LARGE1: variants seen among roughly 807,000 people sequenced by gnomAD.
The protein encoded by LARGE1 is xylosyl- and glucuronyltransferase LARGE1.
LARGE1 carries 43 observed loss-of-function variants against 87.6 expected under a neutral mutation model. The ratio of observed to expected loss-of-function variants is 0.49; its 90% CI spans 0.38 to 0.63. LARGE1 has a LOEUF of 0.63. Ranked by LOEUF, LARGE1 falls within the 30% of genes least tolerant of loss-of-function variation. The pLI, the probability that LARGE1 is intolerant of heterozygous loss-of-function variation, is 0.00. For synonymous variants in LARGE1, 434 were observed against 394.6 expected (o/e 1.10, Z -1.18); for missense variants, 802 against 1,000.2 (o/e 0.80, Z 2.67).
At chr22:33,850,914 A>T (rs1402590192) in intron 1 of LARGE1, among the ~76,000 whole-genome samples, 2 of 152,140 alleles carry the variant, frequency 1.3e-5, no homozygotes, top group East Asian at 3.9e-4. Flanking sequence ...CTTAAAAAAA[A>T]AGACACCACC....
chr22:33,568,564 C>T (rs935070833), intron 5 of LARGE1, among the ~76,000 whole-genome samples: 6 of 151,982 alleles, frequency 3.9e-5, no homozygotes, highest in Admixed American at 1.3e-4. Context: ...GTTGGGAGTT[C>T]GAGACCAGCC....
intron 2 of LARGE1, among the ~76,000 whole-genome samples, chr22:33,743,453 C>T (rs1378748560): frequency 6.6e-6 from 1 of 152,114 alleles, no homozygotes; most frequent in Non-Finnish European, 1.5e-5. Flanking sequence ...CTTTCTCTCT[C>T]CTTCACAACC....
intron 6 of LARGE1, among the ~76,000 whole-genome samples, chr22:33,558,477 T>G (rs541382670): frequency 2.0e-5 from 3 of 152,252 alleles, no homozygotes; most frequent in Non-Finnish European, 4.4e-5. Context: ...CCTCCTCAAA[T>G]TTCACACAAC....
chr22:33,730,518 A>G (rs989467684), intron 2 of LARGE1, among the ~76,000 whole-genome samples: 12 of 152,162 alleles, frequency 7.9e-5, no homozygotes, highest in Admixed American at 4.6e-4. Context: ...AGCTTACACG[A>G]ATTTTTGACT....
intron 5 of LARGE1, among the ~76,000 whole-genome samples, chr22:33,593,753 G>A (rs1053415097): frequency 2.0e-5 from 3 of 152,162 alleles, no homozygotes. Flanking sequence ...AGGTTGAAAC[G>A]ATACTATTTT....
intron 1 of LARGE1, among the ~76,000 whole-genome samples, chr22:33,885,695 C>A (rs2064824238): frequency 6.6e-6 from 1 of 152,148 alleles, no homozygotes. Context: ...CCTACAACTT[C>A]CTGTTCACCT....
the LARGE1 span, among the ~76,000 whole-genome samples, chr22:33,154,767 T>C: frequency 6.6e-6 from 1 of 152,166 alleles, no homozygotes; most frequent in African/African-American, 2.4e-5. Context: ...GACATATATG[T>C]AAGATACAGA....
the LARGE1 span, among the ~76,000 whole-genome samples, chr22:33,097,383 CT>C: frequency 5.3e-3 from 800 of 152,328 alleles, 1 homozygote; most frequent in Non-Finnish European, 1.0e-2. Flanking sequence ...CTCTGGAGTC[CT>C]CTTCACCAGA....
At chr22:33,886,860 A>C (rs1353922622) in intron 1 of LARGE1, among the ~76,000 whole-genome samples, 1 of 151,990 alleles carries the variant, frequency 6.6e-6, no homozygotes, top group Non-Finnish European at 1.5e-5. Context: ...ACAAAAAGAC[A>C]CCCCTGGCTC....
At position 33,387,068 on chromosome 22, in the gene LARGE1, T is replaced by C. The variant is rs146840798; in HGVS notation, c.893-2764A>G. On this transcript the variant is annotated intron_variant, in intron 7 of 14. Coordinates refer to ENST00000397394, the MANE Select transcript of LARGE1 (RefSeq NM_133642.5). ...GCAGTGAGCCGAGATTGTGCCACTG[T>C]ACTCCAGCCTAGGTAACTGAGCAAG... Among the ~76,000 whole-genome samples the C allele has an allele frequency of 1.6e-3, 237 of 147,948 alleles. 20 individuals are homozygous for C. Among genetic ancestry groups the C allele is most frequent in the Admixed American group, 5.6e-3 (84 of 14,876 alleles).
Position 33,565,023 on chromosome 22 carries a change from G to T in LARGE1, c.616-4C>A. The T allele has an allele frequency of 6.2e-7, 1 of 1,613,674 alleles. No homozygotes were observed. The highest frequency in any genetic ancestry group is 8.5e-7 in the Non-Finnish European group (1 of 1,179,606). On this transcript the variant is annotated splice_polypyrimidine_tract_variant and splice_region_variant and intron_variant, in intron 5 of 14. Transcript: ENST00000397394. ...TGGGGATCCAGGAAACTTCAGACTA[G>T]ACAGAACAAGGCAGAGAGAGAGTTG...
the LARGE1 span, among the ~76,000 whole-genome samples, chr22:33,071,022 A>T: frequency 0.4 from 60,753 of 151,946 alleles, 12,596 homozygotes; most frequent in African/African-American, 0.5. Flanking sequence ...ATAAAAAATT[A>T]AAAAAAATAA....
intron 10 of LARGE1, among the ~76,000 whole-genome samples, chr22:33,316,774 G>C (rs1936207808): frequency 6.6e-6 from 1 of 152,064 alleles, no homozygotes; most frequent in Non-Finnish European, 1.5e-5. Flanking sequence ...AAAAAAAAGA[G>C]GATGCCTTTA....
the LARGE1 span, among the ~76,000 whole-genome samples, chr22:33,122,397 C>G: frequency 7.2e-6 from 1 of 139,804 alleles, no homozygotes; most frequent in African/African-American, 2.7e-5. Flanking sequence ...TCACTCTTGT[C>G]GCCCAGGCTG....
intron 6 of LARGE1, among the ~76,000 whole-genome samples, chr22:33,455,461 A>G (rs2068093607): frequency 6.6e-6 from 1 of 152,198 alleles, no homozygotes; most frequent in Non-Finnish European, 1.5e-5. Context: ...AGATTAGACC[A>G]TGGTGAGCTG....
the LARGE1 span, among the ~76,000 whole-genome samples, chr22:33,117,051 C>G: frequency 6.6e-6 from 1 of 152,184 alleles, no homozygotes; most frequent in Non-Finnish European, 1.5e-5. Context: ...GAGTGAGTCA[C>G]AGGAAAATGC....
the LARGE1 span, among the ~76,000 whole-genome samples, chr22:33,113,205 C>CTTTT: frequency 7.8e-6 from 1 of 127,414 alleles, no homozygotes; most frequent in Non-Finnish European, 1.6e-5. Context: ...ACTTAATTAT[C>CTTTT]TTTTTTTTTT....
intron 2 of LARGE1, among the ~76,000 whole-genome samples, chr22:33,755,843 C>T (rs1445942691): frequency 6.6e-6 from 1 of 152,198 alleles, no homozygotes; most frequent in Admixed American, 6.5e-5. Flanking sequence ...AAAACACTTC[C>T]TTCTCTCAAG....
intron 6 of LARGE1, among the ~76,000 whole-genome samples, chr22:33,451,009 C>T (rs2067893210): frequency 6.6e-6 from 1 of 152,180 alleles, no homozygotes; most frequent in Admixed American, 6.6e-5. Flanking sequence ...TCAGCAAAGC[C>T]AGTGCAGACG....
Sources: gnomAD v4.1 joint callset for allele counts (sites outside exome capture counted in the v4.1 genomes callset) on GRCh38, gnomAD v4.1.1 for gene constraint, MANE v1.5 for transcripts, NCBI Gene and HGNC (gene_info 2026-07-23, HGNC 2026-07-21) for gene names.